MYLK4: variants seen among roughly 807,000 people sequenced by gnomAD.
MYLK4 encodes caMLCK like.
A neutral mutation model predicts 48.1 loss-of-function variants in MYLK4; 46 were observed. That is an observed-to-expected ratio of 0.96 (90% CI 0.75 to 1.22). The LOEUF (loss-of-function observed/expected upper bound fraction) is 1.22. Among genes scored for constraint, MYLK4 ranks in the 50% most tolerant of loss-of-function variants. MYLK4 has a pLI of 0.00. For missense variants in MYLK4, 451 were observed against 486.1 expected (o/e 0.93, Z 0.68); for synonymous variants, 170 against 180.8 (o/e 0.94, Z 0.48).
chr6:2,764,698 A>G, the MYLK4 span, among the ~76,000 whole-genome samples: 45 of 152,344 alleles, frequency 3.0e-4, no homozygotes, highest in South Asian at 8.3e-4. Flanking sequence ...CTAAGGAGAC[A>G]GAAGGCTGGT....
chr6:2,669,160 T>C (rs1470171844), intron 12 of MYLK4, among the ~76,000 whole-genome samples: 1 of 152,158 alleles, frequency 6.6e-6, no homozygotes, highest in African/African-American at 2.4e-5. Context: ...GCCTGTAGTG[T>C]GACTCAGGTG....
intron 2 of MYLK4, among the ~76,000 whole-genome samples, chr6:2,725,778 A>T (rs1246795540): frequency 6.6e-6 from 1 of 152,240 alleles, no homozygotes; most frequent in Admixed American, 6.5e-5. Flanking sequence ...CTGGGAGAAT[A>T]TACATCAGAA....
chr6:2,678,422 C>A (rs1392985445), intron 9 of MYLK4, 50 bp from the exon 10 acceptor site: 2 of 1,579,002 alleles, frequency 1.3e-6, no homozygotes, highest in South Asian at 2.3e-5. Context: ...GCCTCAACCC[C>A]TTTCCATACA....
At chr6:2,697,015 C>T (rs900943297) in intron 2 of MYLK4, among the ~76,000 whole-genome samples, 9 of 152,284 alleles carry the variant, frequency 5.9e-5, no homozygotes, top group South Asian at 4.2e-4. Flanking sequence ...GTCAAGATTA[C>T]GCCACTGCAC....
intron 2 of MYLK4, among the ~76,000 whole-genome samples, chr6:2,727,827 A>G (rs6909974): frequency 0.5 from 76,326 of 151,668 alleles, 20,418 homozygotes; most frequent in Non-Finnish European, 0.58. Context: ...CATGCCTGTA[A>G]TCCCAACTAC....
At chr6:2,767,194 TCTAGAAAGCATGTCATTGGAAAAACA>T in the MYLK4 span, among the ~76,000 whole-genome samples, 3 of 152,070 alleles carry the variant, frequency 2.0e-5, no homozygotes, top group Non-Finnish European at 4.4e-5. Flanking sequence ...ATATTGTGAG[TCTAGAAAGCATGTCATTGGAAAAACA>T]CTTGAGAAAA....
chr6:2,767,161 C>G, the MYLK4 span, among the ~76,000 whole-genome samples: 660 of 152,294 alleles, frequency 4.3e-3, 4 homozygotes, highest in African/African-American at 0.014. Context: ...GAGGCGTTAG[C>G]GTTCCAGATG....
At chr6:2,692,636 A>G in intron 3 of MYLK4, 148 bp downstream of exon 3, 1 of 565,230 alleles carries the variant, frequency 1.8e-6, no homozygotes. Context: ...AAGCAAAAAA[A>G]AAAAAAGGGG....
the MYLK4 span, chr6:2,766,590 G>A: frequency 7.3e-7 from 1 of 1,363,844 alleles, no homozygotes; most frequent in Non-Finnish European, 9.5e-7. Flanking sequence ...GGCTGGGGCA[G>A]TGCCTGGTCC....
chr6:2,765,350 C>G, the MYLK4 span: 3 of 286,316 alleles, frequency 1.0e-5, no homozygotes, highest in Non-Finnish European at 1.9e-5. Flanking sequence ...TACTTACATG[C>G]CGCGCGAGGC....
Position 2,665,050 on chromosome 6 carries a change from G to A in MYLK4, c.*2875C>T, listed in dbSNP as rs983711728. On this transcript the variant is annotated 3_prime_UTR_variant, in exon 13 of 13. Transcript: ENST00000274643. ...TTCCTCCATTTGCTAAAGAAAGTGGGAACTGCCTAGTGAGTGAGCAAAGCC... is the reference window on the plus strand; with the variant it reads ...TTCCTCCATTTGCTAAAGAAAGTGGAAACTGCCTAGTGAGTGAGCAAAGCC... The A allele has an allele frequency of 3.9e-5, 6 of 152,210 alleles. No individual in the cohort carries two copies. The highest frequency in any genetic ancestry group is 7.3e-5 in the Non-Finnish European group (5 of 68,036). The allele number at this position is 152,210 out of a possible 1,614,324, so 9.4% of individuals were successfully genotyped here.
In MYLK4 at chr6:2,698,085, A is replaced by G. The variant is rs566086404; in HGVS notation, c.160-5226T>C. Among the ~76,000 whole-genome samples, 146 of 152,366 alleles carry G rather than the reference A, an allele frequency of 9.6e-4. 1 individual carries two copies. Among genetic ancestry groups the G allele is most frequent in the Non-Finnish European group, 1.9e-3 (128 of 68,034 alleles). On this transcript the variant is annotated intron_variant, in intron 2 of 12. Transcript: ENST00000274643. ...CAACGGCCATGCATTTTGGGATTAC[A>G]GTTGCTGCAGAAAATTGTGTTCATA...
At chr6:2,684,650 A>T (rs895739193) in intron 6 of MYLK4, among the ~76,000 whole-genome samples, 11 of 150,048 alleles carry the variant, frequency 7.3e-5, no homozygotes, top group Middle Eastern at 3.4e-3. Context: ...ACAAATTTTT[A>T]AAAAATACAG....
rs1760989740 is a variant in MYLK4 at position 2,673,859 on chromosome 6, G to T, written c.1119+1188C>A. 6.6e-6 allele frequency among the ~76,000 whole-genome samples: 1 copy of T among 152,216 alleles called. No homozygotes were observed. The highest frequency in any genetic ancestry group is 1.5e-5 in the Non-Finnish European group (1 of 68,046). On this transcript the variant is annotated intron_variant, in intron 11 of 12. Coordinates refer to ENST00000274643, the MANE Select transcript of MYLK4 (RefSeq NM_001012418.5). This position sits in a 1 kb window ranked among gnomAD's most constrained non-coding sequence, Gnocchi z 4.2. ...AATGGAGAGAAACAGACAGCTTCCA[G>T]AGGTAATTAGGGGATATCATGTACA... is the stretch of plus-strand genomic sequence containing the variant.
At chr6:2,707,431 A>G (rs1189891238) in intron 2 of MYLK4, among the ~76,000 whole-genome samples, 1 of 152,168 alleles carries the variant, frequency 6.6e-6, no homozygotes, top group African/African-American at 2.4e-5. Flanking sequence ...GCGCACATTT[A>G]CACGCACACA....
chr6:2,769,047 T>C, the MYLK4 span, among the ~76,000 whole-genome samples: 1 of 152,192 alleles, frequency 6.6e-6, no homozygotes, highest in African/African-American at 2.4e-5. Context: ...TTTCTTAGTG[T>C]TTTTTGATAA....
intron 11 of MYLK4, 132 bp from the exon 12 acceptor site, chr6:2,671,480 A>G (rs1478993741): frequency 9.0e-6 from 7 of 779,624 alleles, no homozygotes; most frequent in Non-Finnish European, 1.5e-5. Context: ...CTTGAAGCCT[A>G]CATTCCCGAC....
At chr6:2,679,581 C>G (rs536380016) in intron 8 of MYLK4, 173 bp from the exon 9 acceptor site, 2 of 827,268 alleles carry the variant, frequency 2.4e-6, no homozygotes, top group Non-Finnish European at 3.9e-6. Context: ...TGTAAAGAGG[C>G]CCCAGAAAAT....
At chr6:2,723,060 G>A (rs529918125) in intron 2 of MYLK4, among the ~76,000 whole-genome samples, 1 of 152,136 alleles carries the variant, frequency 6.6e-6, no homozygotes, top group African/African-American at 2.4e-5. Flanking sequence ...GGGAGGCTGA[G>A]GGGGGAGGAT....
Sources: gnomAD v4.1 joint callset for allele counts (sites outside exome capture counted in the v4.1 genomes callset) on GRCh38, gnomAD v4.1.1 for gene constraint, Gnocchi (gnomAD v3.1) non-coding constraint, MANE v1.5 for transcripts, NCBI Gene and HGNC (gene_info 2026-07-23, HGNC 2026-07-21) for gene names.